CCDC60: variants seen among roughly 807,000 people sequenced by gnomAD.
CCDC60 encodes coiled-coil domain-containing protein 60.
Under a neutral mutation model 63.5 loss-of-function variants are expected in CCDC60, and 54 were observed. That is an observed-to-expected ratio of 0.85 (90% confidence interval 0.68 to 1.07). The LOEUF is 1.07. Among genes scored for constraint, CCDC60 ranks in the 50% least tolerant of loss-of-function variants. The pLI, the probability that CCDC60 is intolerant of heterozygous loss-of-function variation, is 0.00. For missense variants in CCDC60, 651 were observed against 684.3 expected (o/e 0.95, Z 0.54); for synonymous variants, 206 against 238.8 (o/e 0.86, Z 1.27).
intron 1 of CCDC60, among the ~76,000 whole-genome samples, chr12:119,401,882 A>C (rs1321719947): frequency 6.6e-6 from 1 of 152,218 alleles, no homozygotes; most frequent in African/African-American, 2.4e-5. Flanking sequence ...GTAATTCAGC[A>C]ACTAGCCTGT....
intron 9 of CCDC60, among the ~76,000 whole-genome samples, chr12:119,521,927 G>A (rs1488114240): frequency 6.6e-6 from 1 of 152,182 alleles, no homozygotes; most frequent in Non-Finnish European, 1.5e-5. Context: ...AGTAGGATGA[G>A]GATTTGCCTA....
intron 7 of CCDC60, among the ~76,000 whole-genome samples, chr12:119,507,873 T>C (rs1028975366): frequency 2.6e-5 from 4 of 151,834 alleles, no homozygotes; most frequent in African/African-American, 9.7e-5. Context: ...AAATGATAAA[T>C]AAGAAATCCC....
chr12:119,348,042 G>A (rs1019602854), intron 1 of CCDC60, among the ~76,000 whole-genome samples: 2 of 152,188 alleles, frequency 1.3e-5, no homozygotes, highest in Admixed American at 1.3e-4. Context: ...ACTTCTAAGA[G>A]CCCTTGAAGA....
intron 1 of CCDC60, among the ~76,000 whole-genome samples, chr12:119,377,271 A>AG (rs1489652416): frequency 2.0e-5 from 3 of 150,444 alleles, no homozygotes; most frequent in Non-Finnish European, 3.0e-5. Flanking sequence ...AAAAAAAAAA[A>AG]AAAAAAAAGA....
intron 2 of CCDC60, among the ~76,000 whole-genome samples, chr12:119,440,371 A>T (rs1178926080): frequency 1.3e-5 from 2 of 152,052 alleles, no homozygotes; most frequent in Non-Finnish European, 2.9e-5. Flanking sequence ...TCTACTAAAA[A>T]TACAAAAAAT....
rs769046603 is a variant in CCDC60, at chr12:119,530,865, G to C, written c.1362-9G>C. ...CTTCCTAACTTGTCCTCTCCTTTTG[G>C]AATTGAAGGTACTTTGATCTGTTGT... is the stretch of plus-strand genomic sequence containing the variant. On this transcript the variant is annotated splice_polypyrimidine_tract_variant and intron_variant, in intron 12 of 13. Transcript: ENST00000327554. 2 of 1,610,216 alleles carry C rather than the reference G, an allele frequency of 1.2e-6. No homozygotes were observed. Among genetic ancestry groups the C allele is most frequent in the East Asian group, 2.2e-5 (1 of 44,840 alleles).
rs867517736 is a variant in CCDC60 at position 119,498,286 on chromosome 12, A to G, written c.558-1792A>G. Among the ~76,000 whole-genome samples, 68 of 150,380 alleles carry G rather than the reference A, an allele frequency of 4.5e-4. 1 individual carries two copies. The Middle Eastern group carries it at 0.021, about 47-fold the overall frequency. The stretch of plus-strand genomic sequence containing the variant: ...ACTCAGCAGCCCCTAACAAGCCTAG[A>G]CCCCTGTCATTGTCTCCCTAAACCA... On this transcript the variant is annotated intron_variant, in intron 5 of 13. Coordinates refer to ENST00000327554, the MANE Select transcript of CCDC60 (RefSeq NM_178499.5).
At chr12:119,438,385 A>G (rs1437678695) in intron 2 of CCDC60, among the ~76,000 whole-genome samples, 1 of 152,210 alleles carries the variant, frequency 6.6e-6, no homozygotes, top group Non-Finnish European at 1.5e-5. Context: ...TTGTTTTCCA[A>G]AATTCTTTTC....
chr12:119,434,974 A>T (rs890515789), intron 2 of CCDC60, among the ~76,000 whole-genome samples: 1 of 152,352 alleles, frequency 6.6e-6, no homozygotes, highest in South Asian at 2.1e-4. Context: ...CATCCACTGC[A>T]TAGAGGCTAT....
chr12:119,372,809 C>T (rs895617520), intron 1 of CCDC60, among the ~76,000 whole-genome samples: 1 of 152,030 alleles, frequency 6.6e-6, no homozygotes, highest in African/African-American at 2.4e-5. Flanking sequence ...TGACATGCAG[C>T]GTAATTTTAA....
At chr12:119,462,268 C>T (rs1179315521) in intron 2 of CCDC60, among the ~76,000 whole-genome samples, 1 of 152,146 alleles carries the variant, frequency 6.6e-6, no homozygotes, top group Non-Finnish European at 1.5e-5. Context: ...CTGTACAGCT[C>T]CTTGAAAGAA....
At chr12:119,539,991 G>C (rs1953111819) in intron 13 of CCDC60, among the ~76,000 whole-genome samples, 1 of 152,136 alleles carries the variant, frequency 6.6e-6, no homozygotes, top group Non-Finnish European at 1.5e-5. Context: ...CCCTGCTTCA[G>C]CTTGCCCTCT....
chr12:119,340,090 C>T (rs917178897), intron 1 of CCDC60, among the ~76,000 whole-genome samples: 9 of 152,016 alleles, frequency 5.9e-5, no homozygotes, highest in African/African-American at 2.2e-4. Context: ...TCACCATTTT[C>T]TTGTGCTGCT....
Position 119,335,096 on chromosome 12 carries a change from A to C in CCDC60, c.-81A>C. 1 of 1,155,916 alleles carries C rather than the reference A, an allele frequency of 8.7e-7. No individual in the cohort carries two copies. Among genetic ancestry groups the C allele is most frequent in the South Asian group, 1.5e-5 (1 of 68,842 alleles). 71.6% of individuals were successfully genotyped at this position (1,155,916 alleles called of 1,614,324 possible). Reference sequence around the variant, plus strand: ...CAGGGAGAAGTTGCCGAAACTTCTCATACCAGTAACTACTGAAGTAGAAGA... The same window carrying C: ...CAGGGAGAAGTTGCCGAAACTTCTCCTACCAGTAACTACTGAAGTAGAAGA... On this transcript the variant is annotated 5_prime_UTR_variant, in exon 1 of 14. Transcript: ENST00000327554.
intron 1 of CCDC60, among the ~76,000 whole-genome samples, chr12:119,424,924 G>A (rs1225129777): frequency 6.6e-6 from 1 of 152,034 alleles, no homozygotes; most frequent in Non-Finnish European, 1.5e-5. Context: ...AGTTGAGGAC[G>A]CAATTCAGTA....
intron 2 of CCDC60, among the ~76,000 whole-genome samples, chr12:119,432,102 T>G (rs1220036792): frequency 2.6e-5 from 4 of 152,126 alleles, no homozygotes; most frequent in Non-Finnish European, 5.9e-5. Context: ...TATCTTTCAT[T>G]GTCTGTTACA....
chr12:119,368,197 A>G (rs1391586703), intron 1 of CCDC60, among the ~76,000 whole-genome samples: 2 of 95,646 alleles, frequency 2.1e-5, no homozygotes, highest in Non-Finnish European at 4.0e-5. Context: ...AGGAGGGGGA[A>G]GGGCAGGAGG....
chr12:119,456,060 A>AAAGAAAGCAAGCAAGCAAGC lies in CCDC60; in HGVS notation c.171-15931_171-15930insAAAGCAAGCAAGCAAGCAAG, dbSNP rs1224088473. Among the ~76,000 whole-genome samples, 1,381 of 118,542 alleles carry AAAGAAAGCAAGCAAGCAAGC rather than the reference A, an allele frequency of 0.012. 31 individuals are homozygous for AAAGAAAGCAAGCAAGCAAGC. Among genetic ancestry groups the AAAGAAAGCAAGCAAGCAAGC allele is most frequent in the Middle Eastern group, 0.029 (7 of 244 alleles). 77.8% of individuals were successfully genotyped at this position (118,542 alleles called of 152,430 possible). A position where few individuals can be genotyped will look rare whatever the true frequency, so the allele number is the denominator to read the frequency against. On this transcript the variant is annotated intron_variant, in intron 2 of 13. Transcript: ENST00000327554. This position sits in a 1 kb window ranked among gnomAD's most constrained non-coding sequence, Gnocchi z 4.6. ...GAAAGAAAGAAAGAAAGAAAGAAAG[A>AAAGAAAGCAAGCAAGCAAGC]AAGCAAGCAAGCATGTGCAATTTCA...
intron 4 of CCDC60, among the ~76,000 whole-genome samples, chr12:119,481,015 G>A (rs2519541): frequency 0.68 from 96,492 of 141,114 alleles, 31,175 homozygotes; most frequent in East Asian, 0.85. Context: ...CATCACCATC[G>A]TCCTCACCAC....
Sources: allele counts gnomAD v4.1 joint callset (sites outside exome capture counted in the v4.1 genomes callset), GRCh38; gene constraint gnomAD v4.1.1; non-coding constraint Gnocchi (gnomAD v3.1); transcripts MANE v1.5; gene names NCBI Gene and HGNC (gene_info 2026-07-23, HGNC 2026-07-21).